The following ROBO2 variants were observed in gnomAD, a reference collection of about 807,000 sequenced individuals.
ROBO2 encodes roundabout guidance receptor 2.
A neutral mutation model predicts 160.8 loss-of-function variants in ROBO2; 53 were observed. That is an observed-to-expected ratio of 0.33 (90% CI 0.26 to 0.41). The LOEUF is 0.41. ROBO2 is among the 10% of genes least tolerant of loss of function. The pLI, the probability that ROBO2 is intolerant of heterozygous loss-of-function variation, is 1.00. For synonymous variants in ROBO2, 664 were observed against 611.7 expected, an observed-to-expected ratio of 1.09 and a Z score of -1.26; for missense variants, 1,577 against 1,722.4, an observed-to-expected ratio of 0.92 and a Z score of 1.49.
intron 2 of ROBO2, among the ~76,000 whole-genome samples, chr3:76,250,504 G>A (rs541019875): frequency 6.6e-6 from 1 of 152,212 alleles, no homozygotes; most frequent in East Asian, 1.9e-4. Flanking sequence ...CGTTTTGCGT[G>A]TAGGAGAGTT....
intron 6 of ROBO2, among the ~76,000 whole-genome samples, chr3:77,529,703 A>G (rs1206466150): frequency 6.6e-6 from 1 of 151,934 alleles, no homozygotes; most frequent in Non-Finnish European, 1.5e-5. Flanking sequence ...ATGATTTCTT[A>G]AATTCCCATT....
At chr3:76,773,082 A>T (rs1367954547) in intron 2 of ROBO2, among the ~76,000 whole-genome samples, 1 of 151,148 alleles carries the variant, frequency 6.6e-6, no homozygotes. Context: ...TCACACATGT[A>T]CTTGAGACGT....
chr3:77,457,151 A>G (rs1401316125), intron 2 of ROBO2, among the ~76,000 whole-genome samples: 1 of 152,170 alleles, frequency 6.6e-6, no homozygotes, highest in Non-Finnish European at 1.5e-5. Flanking sequence ...CTAGGAAGTC[A>G]ATTAAAGATG....
rs79329943 is a variant in ROBO2 at position 76,080,408 on chromosome 3, G to A, written c.109+142806G>A. 1.7e-4 allele frequency among the ~76,000 whole-genome samples: 26 copies of A among 152,256 alleles called. No individual in the cohort carries two copies. In the East Asian group the frequency reaches 3.9e-3, roughly 23 times the overall value. On this transcript the variant is annotated intron_variant, in intron 2 of 26. Coordinates refer to the ROBO2 transcript ENST00000487694. ...CAAAGATCAACTTGTGCGGGACTTCGGGTGGAAGAACTGGAGCCTGGATTA... is the reference window on the plus strand; with the variant it reads ...CAAAGATCAACTTGTGCGGGACTTCAGGTGGAAGAACTGGAGCCTGGATTA...
At chr3:76,757,627 T>G (rs1459064635) in intron 2 of ROBO2, among the ~76,000 whole-genome samples, 1 of 151,864 alleles carries the variant, frequency 6.6e-6, no homozygotes, top group Non-Finnish European at 1.5e-5. Context: ...AAGTCTATGT[T>G]GTTTCAAGCC....
intron 2 of ROBO2, among the ~76,000 whole-genome samples, chr3:76,222,698 C>G (rs552803533): frequency 9.2e-5 from 14 of 152,108 alleles, no homozygotes; most frequent in Non-Finnish European, 1.8e-4. Context: ...ACTACTATAA[C>G]AGATCCATGT....
At chr3:76,260,418 T>C (rs1191589785) in intron 2 of ROBO2, among the ~76,000 whole-genome samples, 1 of 152,116 alleles carries the variant, frequency 6.6e-6, no homozygotes, top group Non-Finnish European at 1.5e-5. Flanking sequence ...ATTACCAACA[T>C]CTACAGAGGT....
At chr3:77,068,512 C>A (rs1197177617) in intron 1 of ROBO2, among the ~76,000 whole-genome samples, 3 of 151,994 alleles carry the variant, frequency 2.0e-5, no homozygotes, top group Admixed American at 6.6e-5. Flanking sequence ...GTTTCTAAAG[C>A]CTCTTATCTC....
At position 77,420,842 on chromosome 3, in the gene ROBO2, A is replaced by T. The variant is rs143853625; in HGVS notation, c.389-56572A>T. On this transcript the variant is annotated intron_variant, in intron 2 of 25. Coordinates refer to ENST00000461745, the Ensembl canonical transcript of ROBO2. ...TAGAATGTTTCCCTTATCAAATGCT[A>T]TATCATTGCACTCTATAAAATGAGT... is the stretch of plus-strand genomic sequence containing the variant. Among the ~76,000 whole-genome samples, 632 of 152,252 alleles carry T rather than the reference A, an allele frequency of 4.2e-3. 2 individuals carry two copies. Among genetic ancestry groups the T allele is most frequent in the Admixed American group, 8.3e-3 (127 of 15,284 alleles).
chr3:76,328,815 C>A (rs1455672371), intron 2 of ROBO2, among the ~76,000 whole-genome samples: 1 of 151,510 alleles, frequency 6.6e-6, no homozygotes, highest in Non-Finnish European at 1.5e-5. Flanking sequence ...GCCGAGATCG[C>A]GCCACCGCAC....
intron 2 of ROBO2, among the ~76,000 whole-genome samples, chr3:76,617,779 T>C (rs964912931): frequency 4.0e-5 from 6 of 149,024 alleles, no homozygotes; most frequent in African/African-American, 1.3e-4. Flanking sequence ...ATGTAACTGA[T>C]TTACAGTTCT....
chr3:76,605,977 G>A (rs879280012), intron 2 of ROBO2, among the ~76,000 whole-genome samples: 4 of 152,048 alleles, frequency 2.6e-5, no homozygotes, highest in Non-Finnish European at 4.4e-5. Context: ...TTATTTGGAG[G>A]AAAGCCAAGC....
At chr3:76,116,670 A>T (rs186075830) in intron 2 of ROBO2, among the ~76,000 whole-genome samples, 1 of 152,282 alleles carries the variant, frequency 6.6e-6, no homozygotes, top group African/African-American at 2.4e-5. Flanking sequence ...CTCACAAATA[A>T]TATGCTGGCA....
chr3:76,277,161 C>A (rs1707973799), intron 2 of ROBO2, among the ~76,000 whole-genome samples: 1 of 151,750 alleles, frequency 6.6e-6, no homozygotes, highest in African/African-American at 2.4e-5. Context: ...ATAAGCAATT[C>A]TTTTTTTTAC....
intron 2 of ROBO2, among the ~76,000 whole-genome samples, chr3:75,962,765 C>A (rs964038966): frequency 4.6e-5 from 7 of 151,656 alleles, no homozygotes; most frequent in African/African-American, 1.7e-4. Context: ...AAAAATAATT[C>A]TTTCGTGCTG....
intron 2 of ROBO2, among the ~76,000 whole-genome samples, chr3:76,361,179 C>G (rs2075496482): frequency 6.6e-6 from 1 of 152,014 alleles, no homozygotes; most frequent in Non-Finnish European, 1.5e-5. Flanking sequence ...AAAGTGGGCC[C>G]TGACAGTGCA....
intron 2 of ROBO2, among the ~76,000 whole-genome samples, chr3:76,764,626 A>C (rs1434032891): frequency 6.6e-6 from 1 of 151,686 alleles, no homozygotes; most frequent in Admixed American, 6.6e-5. Flanking sequence ...AGTTTAATTC[A>C]GTATTTTTGT....
In ROBO2 at chr3:77,628,455, G is replaced by A. The variant is rs867982837; in HGVS notation, c.3760+6023G>A. Reference sequence around the variant, plus strand: ...CTCTCTCTCTCTTTTTGTGGGGGGGGGGTAATTGTTTACCTAAATCTTCAG... The same window carrying A: ...CTCTCTCTCTCTTTTTGTGGGGGGGAGGTAATTGTTTACCTAAATCTTCAG... On this transcript the variant is annotated intron_variant, in intron 23 of 25. Coordinates refer to ENST00000461745, the Ensembl canonical transcript of ROBO2. 8.3e-5 allele frequency among the ~76,000 whole-genome samples: 12 copies of A among 144,112 alleles called. No homozygotes were observed. The East Asian group carries it at 2.2e-3, about 26-fold the overall frequency. The allele number at this position is 144,112 out of a possible 152,430, so 94.5% of individuals were successfully genotyped here.
At chr3:76,499,978 A>G (rs890516658) in intron 2 of ROBO2, among the ~76,000 whole-genome samples, 1 of 152,158 alleles carries the variant, frequency 6.6e-6, no homozygotes, top group African/African-American at 2.4e-5. Context: ...CTTTATTTAC[A>G]TAAAGACCTG....
Sources: allele counts gnomAD v4.1 joint callset (sites outside exome capture counted in the v4.1 genomes callset), GRCh38; gene constraint gnomAD v4.1.1; transcripts MANE v1.5; gene names NCBI Gene and HGNC (gene_info 2026-07-23, HGNC 2026-07-21).